The following SCD5 variants were observed in gnomAD, a reference collection of about 807,000 sequenced individuals.
The protein encoded by SCD5 is stearoyl-CoA desaturase 5, also known as acyl-CoA-desaturase 4.
A neutral mutation model predicts 30.4 loss-of-function variants in SCD5; 20 were observed. That is an observed-to-expected ratio of 0.66 (90% CI 0.46 to 0.96). The LOEUF (loss-of-function observed/expected upper bound fraction) is 0.96, where lower values mean the gene tolerates loss of function less well. SCD5 is among the 40% of genes least tolerant of loss of function. The probability of loss-of-function intolerance (pLI) is 0.00; values close to 1 mark genes in which losing one functional copy is unlikely to be tolerated. For synonymous variants in SCD5, 173 were observed against 176.4 expected, an observed-to-expected ratio of 0.98 and a Z score of 0.16; for missense variants, 381 against 443.3, an observed-to-expected ratio of 0.86 and a Z score of 1.26.
chr4:82,741,944 GATGGGC>G (rs1472931969), intron 1 of SCD5, among the ~76,000 whole-genome samples: 1 of 151,764 alleles, frequency 6.6e-6, no homozygotes, highest in Non-Finnish European at 1.5e-5. Flanking sequence ...CCCAAAGAAA[GATGGGC>G]ATGCCTGTAG....
intron 3 of SCD5, among the ~76,000 whole-genome samples, chr4:82,653,369 G>A (rs536150631): frequency 3.3e-5 from 5 of 152,226 alleles, no homozygotes; most frequent in Non-Finnish European, 7.4e-5. Flanking sequence ...AGCTACCACA[G>A]TTGTAGACTC....
intron 3 of SCD5, among the ~76,000 whole-genome samples, chr4:82,651,652 G>A (rs1203062142): frequency 1.3e-5 from 2 of 152,164 alleles, no homozygotes; most frequent in African/African-American, 2.4e-5. Flanking sequence ...GGTGGCTCAC[G>A]CCTGTAATTC....
intron 2 of SCD5, chr4:82,698,202 A>AG (rs1719738119): frequency 2.2e-6 from 1 of 446,894 alleles, no homozygotes; most frequent in African/African-American, 2.0e-5. Flanking sequence ...TGGCTAGGAA[A>AG]GGTGGCAACA....
chr4:82,715,082 CA>C (rs1184021843), intron 1 of SCD5, among the ~76,000 whole-genome samples: 2 of 151,344 alleles, frequency 1.3e-5, no homozygotes, highest in African/African-American at 4.9e-5. Context: ...ACTAAAAATG[CA>C]AAAATTAGCC....
chr4:82,637,545 G>A (rs1727459309), intron 3 of SCD5, among the ~76,000 whole-genome samples: 1 of 152,236 alleles, frequency 6.6e-6, no homozygotes, highest in Admixed American at 6.5e-5. Context: ...CAAGTTAGGT[G>A]AAGCCCCTGA....
At chr4:82,798,086 C>CGGGG (rs34694654) in intron 1 of SCD5, among the ~76,000 whole-genome samples, 4 of 124,050 alleles carry the variant, frequency 3.2e-5, no homozygotes, top group South Asian at 2.5e-4. Flanking sequence ...GGGGTGGGGG[C>CGGGG]GGGGGGGGGG....
intron 1 of SCD5, among the ~76,000 whole-genome samples, chr4:82,792,428 A>G (rs1002086769): frequency 6.6e-6 from 1 of 151,136 alleles, no homozygotes; most frequent in South Asian, 2.1e-4. Flanking sequence ...CATATGCCCT[A>G]TCCAGGCACC....
chr4:82,744,009 A>G (rs1225031344), intron 1 of SCD5, among the ~76,000 whole-genome samples: 1 of 152,024 alleles, frequency 6.6e-6, no homozygotes, highest in Non-Finnish European at 1.5e-5. Context: ...TATTTTTAGT[A>G]AAGATGGGGT....
intron 1 of SCD5, among the ~76,000 whole-genome samples, chr4:82,724,860 G>C (rs1720439663): frequency 6.6e-6 from 1 of 152,132 alleles, no homozygotes; most frequent in Non-Finnish European, 1.5e-5. Flanking sequence ...TAGGCCCCAG[G>C]GCCTGTCCTC....
intron 2 of SCD5, among the ~76,000 whole-genome samples, chr4:82,691,014 GTTTGTTTGTTTTGT>G (rs1379270707): frequency 7.2e-6 from 1 of 138,142 alleles, no homozygotes; most frequent in Non-Finnish European, 1.6e-5. Context: ...TTGTTTTTTT[GTTTGTTTGTTTTGT>G]TTTGTTTTGT....
rs1004897346 is a variant in SCD5, at chr4:82,757,319, G to A, written c.232+40987C>T. Among the ~76,000 whole-genome samples the A allele has an allele frequency of 5.3e-5, 8 of 152,174 alleles. No homozygotes were observed. In the South Asian group the frequency reaches 1.2e-3, roughly 24 times the overall value. On this transcript the variant is annotated intron_variant, in intron 1 of 4. Coordinates refer to ENST00000319540, the MANE Select transcript of SCD5 (RefSeq NM_001037582.3). ...CCTTCAGATGGCTTCCCAGGACCCC[G>A]AACCCAGGAGGGCTCTTCACCCTGG...
At chr4:82,648,529 G>A (rs1328806304) in intron 3 of SCD5, among the ~76,000 whole-genome samples, 1 of 13,954 alleles carries the variant, frequency 7.2e-5, no homozygotes, top group Non-Finnish European at 1.1e-4. Flanking sequence ...AACAGTGGAT[G>A]CTCTGTGTTG....
intron 1 of SCD5, among the ~76,000 whole-genome samples, chr4:82,737,593 C>G (rs1720778183): frequency 6.6e-6 from 1 of 152,128 alleles, no homozygotes; most frequent in East Asian, 1.9e-4. Flanking sequence ...TTTTAAGTTC[C>G]CCAGCTCCCT....
chr4:82,667,269 T>TACAC (rs71666755), intron 3 of SCD5, among the ~76,000 whole-genome samples: 45 of 150,996 alleles, frequency 3.0e-4, no homozygotes, highest in South Asian at 2.1e-4. Flanking sequence ...TGTATTTTTA[T>TACAC]ACACACACAC....
intron 3 of SCD5, among the ~76,000 whole-genome samples, chr4:82,679,091 C>T (rs546200485): frequency 9.7e-4 from 146 of 150,082 alleles, no homozygotes; most frequent in African/African-American, 3.1e-3. Flanking sequence ...CCCAGCTACT[C>T]GGGAGCCTGC....
At chr4:82,649,328 T>A (rs1727697822) in intron 3 of SCD5, among the ~76,000 whole-genome samples, 2 of 152,126 alleles carry the variant, frequency 1.3e-5, no homozygotes, top group South Asian at 4.2e-4. Flanking sequence ...TCAGTTCACG[T>A]ACCAGAGGTC....
At chr4:82,635,106 T>C (rs1412897680) in intron 4 of SCD5, among the ~76,000 whole-genome samples, 1 of 152,208 alleles carries the variant, frequency 6.6e-6, no homozygotes. Context: ...TTCCTATGTT[T>C]GATCTCTGTG....
chr4:82,672,535 T>C (rs1217162317), intron 3 of SCD5, among the ~76,000 whole-genome samples: 1 of 152,150 alleles, frequency 6.6e-6, no homozygotes, highest in African/African-American at 2.4e-5. Flanking sequence ...ATTAAGTGTA[T>C]TGAATCAATA....
chr4:82,668,277 G>A (rs1578013318), intron 3 of SCD5, among the ~76,000 whole-genome samples: 3 of 152,282 alleles, frequency 2.0e-5, no homozygotes, highest in African/African-American at 7.2e-5. Context: ...GGAGTGAACC[G>A]AGAAACAGAT....
Sources: gnomAD v4.1 joint callset for allele counts (sites outside exome capture counted in the v4.1 genomes callset) on GRCh38, gnomAD v4.1.1 for gene constraint, MANE v1.5 for transcripts, NCBI Gene and HGNC (gene_info 2026-07-23, HGNC 2026-07-21) for gene names.